The following MUC5AC variants were observed in gnomAD, a reference collection of about 807,000 sequenced individuals.
MUC5AC encodes the protein mucin 5AC, oligomeric mucus/gel-forming, also known as mucin-5AC.
Under a neutral mutation model 169.7 loss-of-function variants are expected in MUC5AC, and 158 were observed. That is an observed-to-expected ratio of 0.93 (90% CI 0.82 to 1.06). The LOEUF is 1.06. MUC5AC is among the 50% of genes least tolerant of loss of function. MUC5AC has a pLI of 0.00. For missense variants in MUC5AC, 4,359 were observed against 3,089.9 expected (o/e 1.41, Z -9.74); for synonymous variants, 1,975 against 1,237.0 (o/e 1.60, Z -12.52).
At position 1,189,849 on chromosome 11, in the gene MUC5AC, A is replaced by G; in HGVS notation, c.11704A>G (p.Ser3902Gly). The G allele has an allele frequency of 1.3e-6, 1 of 761,648 alleles. No individual in the cohort carries two copies. The highest frequency in any genetic ancestry group is 2.4e-5 in the East Asian group (1 of 41,216). The allele number at this position is 761,648 out of a possible 1,614,324, so 47.2% of individuals were successfully genotyped here. A position where few individuals can be genotyped will look rare whatever the true frequency, so the allele number is the denominator to read the frequency against. ...TSSTSSTPQT[S>G]KTSAATSSTT... ...CAGCACAAGCTCCACTCCACAGACCAGCAAAACCTCAGCTGCTACAAGCAG... is the reference window on the plus strand; with the variant it reads ...CAGCACAAGCTCCACTCCACAGACCGGCAAAACCTCAGCTGCTACAAGCAG... The change falls in exon 31 of 49, where the codon AGC becomes GGC. Residue 3902 changes from serine to glycine, a missense_variant. Coordinates refer to ENST00000621226, the MANE Select transcript of MUC5AC (RefSeq NM_001304359.2).
chr11:1,165,849 T>A, intron 11 of MUC5AC, 89 bp downstream of exon 11: 2 of 1,570,096 alleles, frequency 1.3e-6, no homozygotes, highest in Non-Finnish European at 1.7e-6. Context: ...TGCATGTCAC[T>A]GCTGCCCCTG....
At position 1,183,775 on chromosome 11, in the gene MUC5AC, C is replaced by G. The variant is rs2133754084; in HGVS notation, c.5630C>G (p.Ser1877Ter). 8.9e-6 allele frequency: 4 copies of G among 450,606 alleles called. No homozygotes were observed. In the East Asian group the frequency reaches 1.4e-4, roughly 16 times the overall value. The allele number at this position is 450,606 out of a possible 1,614,324, so 27.9% of individuals were successfully genotyped here. ...TCCAAGACCACTGAAACCCAGGCCTCAGGCTCCTCAGCCCCCAGCAGCACA... is the reference window on the plus strand; with the variant it reads ...TCCAAGACCACTGAAACCCAGGCCTGAGGCTCCTCAGCCCCCAGCAGCACA... ...TTSKTTETQA[S>*]GSSAPSSTPG... is the part of the protein sequence containing the mutation. The change falls in exon 31 of 49, where the codon TCA becomes TGA. Residue 1877 changes from serine (S) to a stop codon, truncating the protein, a stop_gained. Transcript: ENST00000621226. LOFTEE classifies it high-confidence loss of function.
chr11:1,187,544 C>G lies in MUC5AC; in HGVS notation c.9399C>G (p.Thr3133=), dbSNP rs1317684550. 1.3e-6 allele frequency: 1 copy of G among 751,916 alleles called. No homozygotes were observed. The highest frequency in any genetic ancestry group is 2.4e-6 in the Non-Finnish European group (1 of 411,632). The allele number at this position is 751,916 out of a possible 1,614,324, so 46.6% of individuals were successfully genotyped here. A position where few individuals can be genotyped will look rare whatever the true frequency, so the allele number is the denominator to read the frequency against. Residue 3133 remains threonine, a synonymous_variant, in exon 31 of 49, where the codon ACC becomes ACG. Transcript: ENST00000621226. ...TPSPIPTTST[T]SPPTTSTTSA... ...GCCCTATTCCTACCACCAGCACAAC[C>G]TCTCCTCCTACAACCAGCACAACTT...
At chr11:1,174,361 T>C in intron 16 of MUC5AC, 135 bp from the exon 17 acceptor site, 1 of 576,898 alleles carries the variant, frequency 1.7e-6, no homozygotes, top group East Asian at 3.1e-5. Flanking sequence ...CTGTGAGGAC[T>C]CACAGAGGGG....
intron 39 of MUC5AC, 62 bp from the exon 40 acceptor site, chr11:1,196,815 C>T: frequency 1.3e-6 from 1 of 746,258 alleles, no homozygotes; most frequent in Non-Finnish European, 2.4e-6. Flanking sequence ...AATATGGGAC[C>T]CTGCCTCTCG....
chr11:1,177,758 G>T, intron 24 of MUC5AC, 125 bp downstream of exon 24: 1 of 395,936 alleles, frequency 2.5e-6, no homozygotes, highest in East Asian at 3.6e-5. Context: ...GAAGCGGGGT[G>T]GGAAGTGGGG....
intron 43 of MUC5AC, 57 bp downstream of exon 43, chr11:1,198,362 C>G: frequency 1.4e-6 from 1 of 712,748 alleles, no homozygotes; most frequent in Non-Finnish European, 2.6e-6. Context: ...TCCCACTGAC[C>G]CTGAGGCCCA....
At chr11:1,170,839 AC>A (rs1860491679) in intron 15 of MUC5AC, among the ~76,000 whole-genome samples, 1 of 142,274 alleles carries the variant, frequency 7.0e-6, no homozygotes, top group Non-Finnish European at 1.5e-5. Context: ...CCACTCACTC[AC>A]CCACTGACTG....
rs1378144323 is a variant in MUC5AC at position 1,190,488 on chromosome 11, C to T, written c.12343C>T (p.Pro4115Ser). The change falls in exon 31 of 49, where the codon CCT becomes TCT. Residue 4115 changes from proline to serine, a missense_variant. Coordinates refer to ENST00000621226, the MANE Select transcript of MUC5AC (RefSeq NM_001304359.2). ...TTSAPTTSTI[P>S]ASTPSTTSAP... ...CTCTGCCCCTACAACCAGCACAATC[C>T]CTGCTTCTACACCCAGCACAACCTC... 49 of 694,394 alleles carry T rather than the reference C, an allele frequency of 7.1e-5. No homozygotes were observed. Among genetic ancestry groups the T allele is most frequent in the Middle Eastern group, 4.6e-4 (2 of 4,322 alleles). The allele number at this position is 694,394 out of a possible 1,614,324, so 43.0% of individuals were successfully genotyped here. A position where few individuals can be genotyped will look rare whatever the true frequency, so the allele number is the denominator to read the frequency against.
rs1371182589 is a variant in MUC5AC at position 1,190,686 on chromosome 11, T to G, written c.12541T>G (p.Ser4181Ala). Reference sequence around the variant, plus strand: ...TCCTACAACCAGCACAATCTCTGCCTCTACAACCAGCACAATCTCTGCCCC... The same window carrying G: ...TCCTACAACCAGCACAATCTCTGCCGCTACAACCAGCACAATCTCTGCCCC... ...SAPTTSTISASTTSTISAPTT... is the reference protein window; with the variant it reads ...SAPTTSTISAATTSTISAPTT... Residue 4181 changes from serine to alanine, a missense_variant, in exon 31 of 49, where the codon TCT becomes GCT. Transcript: ENST00000621226. 6.5e-5 allele frequency: 42 copies of G among 644,076 alleles called. No individual in the cohort carries two copies. The highest frequency in any genetic ancestry group is 2.3e-4 in the African/African-American group (11 of 48,082). 39.9% of individuals were successfully genotyped at this position (644,076 alleles called of 1,614,324 possible). A position where few individuals can be genotyped will look rare whatever the true frequency, so the allele number is the denominator to read the frequency against.
rs1255913101 is a variant in MUC5AC at position 1,163,980 on chromosome 11, T to A, written c.778T>A (p.Ser260Thr). The A allele has an allele frequency of 2.5e-6, 4 of 1,610,572 alleles. No individual in the cohort carries two copies. The African/African-American group carries it at 5.3e-5, about 22-fold the overall frequency. Residue 260 changes from serine (S) to threonine (T), a missense_variant, in exon 7 of 49, where the codon TCC becomes ACC. Transcript: ENST00000621226. The stretch of plus-strand genomic sequence containing the variant: ...TGTCCCTGAACCCCCGAGGAACTGC[T>A]CCACTGGCTTTGTAAGCCTTGGAGG... Reference protein sequence around the residue: ...DPVPEPPRNCSTGFGICEELL... With the variant: ...DPVPEPPRNCTTGFGICEELL...
At position 1,163,972 on chromosome 11, in the gene MUC5AC, G is replaced by A. The variant is rs748774717; in HGVS notation, c.770G>A (p.Arg257Lys). ...QCQDPVPEPP[R>K]NCSTGFGICE... is the part of the protein sequence containing the mutation. ...CAGGACCCTGTCCCTGAACCCCCGA[G>A]GAACTGCTCCACTGGCTTTGTAAGC... The change falls in exon 7 of 49, where the codon AGG (arginine) becomes AAG (lysine). Residue 257 changes from arginine (R) to lysine (K), a missense_variant. Transcript: ENST00000621226. 6.2e-7 allele frequency: 1 copy of A among 1,611,116 alleles called. No individual in the cohort carries two copies. The highest frequency in any genetic ancestry group is 1.7e-5 in the Admixed American group (1 of 59,778).
intron 9 of MUC5AC, 106 bp downstream of exon 9, chr11:1,164,638 G>GC (rs1413716513): frequency 7.0e-7 from 1 of 1,424,616 alleles, no homozygotes; most frequent in African/African-American, 1.4e-5. Context: ...AGTGTCCCGG[G>GC]CCCCTGAGGC....
chr11:1,160,836 C>T (rs986683392), intron 2 of MUC5AC, 147 bp downstream of exon 2: 5 of 771,252 alleles, frequency 6.5e-6, no homozygotes, highest in Non-Finnish European at 1.0e-5. Flanking sequence ...AGGACACCCC[C>T]ACATCCATGG....
At position 1,194,571 on chromosome 11, in the gene MUC5AC, A is replaced by G. The variant is rs1426452215; in HGVS notation, c.15091A>G (p.Thr5031Ala). 1 of 764,466 alleles carries G rather than the reference A, an allele frequency of 1.3e-6. No homozygotes were observed. Among genetic ancestry groups the G allele is most frequent in the South Asian group, 1.3e-5 (1 of 74,504 alleles). 47.4% of individuals were successfully genotyped at this position (764,466 alleles called of 1,614,324 possible). A position where few individuals can be genotyped will look rare whatever the true frequency, so the allele number is the denominator to read the frequency against. ...GCGCATCGGCGTCAAGATGTACGCG[A>G]CCATCCCGGAGCTGGGAGTCCAGGT... ...VSRIGVKMYA[T>A]IPELGVQVMF... The change falls in exon 35 of 49, where the codon ACC becomes GCC. Residue 5031 changes from threonine to alanine, a missense_variant. Physicochemically the swap from Thr to Ala is moderately conservative, Grantham distance 58 (BLOSUM62 0). Transcript: ENST00000621226.
Position 1,187,978 on chromosome 11 carries a change from A to G in MUC5AC, c.9833A>G (p.Glu3278Gly), listed in dbSNP as rs1292377417. 1 of 757,954 alleles carries G rather than the reference A, an allele frequency of 1.3e-6. No individual in the cohort carries two copies. Among genetic ancestry groups the G allele is most frequent in the African/African-American group, 1.7e-5 (1 of 58,862 alleles). 47.0% of individuals were successfully genotyped at this position (757,954 alleles called of 1,614,324 possible). Residue 3278 changes from glutamate to glycine, a missense_variant, in exon 31 of 49, where the codon GAG (glutamate) becomes GGG (glycine). Coordinates refer to ENST00000621226, the MANE Select transcript of MUC5AC (RefSeq NM_001304359.2). ...RLQCRAESHP[E>G]VSIEHLGQVV... ...CAGTGCCGAGCCGAGAGCCACCCGG[A>G]GGTGAGCATTGAACACCTGGGCCAG...
intron 40 of MUC5AC, among the ~76,000 whole-genome samples, chr11:1,197,234 A>G (rs1018269699): frequency 1.6e-4 from 25 of 152,066 alleles, no homozygotes; most frequent in Non-Finnish European, 3.4e-4. Context: ...AAGACTGTGG[A>G]GGTGTGAGGT....
In MUC5AC at chr11:1,186,445, C is replaced by T. The variant is rs1252447223; in HGVS notation, c.8300C>T (p.Ala2767Val). The change falls in exon 31 of 49, where the codon GCG becomes GTG. Residue 2767 changes from alanine (A) to valine (V), a missense_variant. Physicochemically the swap from Ala to Val is moderately conservative, Grantham distance 64 (BLOSUM62 0). Coordinates refer to ENST00000621226, the MANE Select transcript of MUC5AC (RefSeq NM_001304359.2). Reference sequence around the variant, plus strand: ...GCCTCTACCACCAGCACAACCTCTGCGACTACAACCAGCACAACCTCTGCT... The same window carrying T: ...GCCTCTACCACCAGCACAACCTCTGTGACTACAACCAGCACAACCTCTGCT... ...ISASTTSTTS[A>V]TTTSTTSATT... 5.0e-3 allele frequency: 3,501 copies of T among 699,148 alleles called. 19 individuals are homozygous for T. Among genetic ancestry groups the T allele is most frequent in the Non-Finnish European group, 6.9e-3 (2,636 of 383,036 alleles). 43.3% of individuals were successfully genotyped at this position (699,148 alleles called of 1,614,324 possible).
At chr11:1,161,741 G>T (rs1224889510) in intron 3 of MUC5AC, among the ~76,000 whole-genome samples, 155 bp downstream of exon 3, 2 of 152,122 alleles carry the variant, frequency 1.3e-5, no homozygotes, top group African/African-American at 4.8e-5. Flanking sequence ...CCCTGCACAC[G>T]TTTCTGGGAC....
Sources: gnomAD v4.1 joint callset for allele counts (sites outside exome capture counted in the v4.1 genomes callset) on GRCh38, gnomAD v4.1.1 for gene constraint, MANE v1.5 for transcripts, NCBI Gene and HGNC (gene_info 2026-07-23, HGNC 2026-07-21) for gene names.